DTNA: variants seen among roughly 807,000 people sequenced by gnomAD.
The protein encoded by DTNA is dystrobrevin alpha, also known as dystrophin-related protein 3.
DTNA carries 43 observed loss-of-function variants against 100.7 expected under a neutral mutation model. That is an observed-to-expected ratio of 0.43 (90% CI 0.33 to 0.55). The LOEUF is 0.55. DTNA is among the 20% of genes least tolerant of loss of function. The pLI is 0.04. For missense variants in DTNA, 798 were observed against 953.9 expected (o/e 0.84, Z 2.15); for synonymous variants, 349 against 347.9 (o/e 1.00, Z -0.04).
At chr18:34,504,913 A>AT (rs1241884513) in intron 1 of DTNA, among the ~76,000 whole-genome samples, 16 of 151,984 alleles carry the variant, frequency 1.1e-4, no homozygotes, top group African/African-American at 3.9e-4. Context: ...TTTTTTAGCA[A>AT]TTTTTCAGCC....
At position 34,665,882 on chromosome 18, in the gene DTNA, T is replaced by C. The variant is rs149159652; in HGVS notation, c.-1-90094T>C. 4.6e-3 allele frequency among the ~76,000 whole-genome samples: 703 copies of C among 152,318 alleles called. 6 individuals are homozygous for C. Among genetic ancestry groups the C allele is most frequent in the African/African-American group, 0.016 (654 of 41,564 alleles). ...ATTGTGAGTAGTGCTGCAATAAACA[T>C]ACGTGTGCATGTGTCTTTATAGCAG... is the stretch of plus-strand genomic sequence containing the variant. On this transcript the variant is annotated intron_variant, in intron 1 of 19. Coordinates refer to the DTNA transcript ENST00000283365.
At chr18:34,515,810 A>G (rs758389157) in intron 1 of DTNA, among the ~76,000 whole-genome samples, 21 of 152,200 alleles carry the variant, frequency 1.4e-4, no homozygotes, top group Non-Finnish European at 2.5e-4. Flanking sequence ...GATATTTTTC[A>G]TATTCTTCTG....
At chr18:34,819,270 C>A (rs1285366846) in intron 8 of DTNA, among the ~76,000 whole-genome samples, 1 of 152,130 alleles carries the variant, frequency 6.6e-6, no homozygotes. Context: ...TCAAAATGTT[C>A]TTCCTAGGAA....
chr18:34,866,586 A>G (rs2096707175), intron 17 of DTNA: 1 of 1,011,282 alleles, frequency 9.9e-7, no homozygotes, highest in Non-Finnish European at 1.2e-6. Context: ...GTTCGGTTTC[A>G]TTTTACTGAA....
At position 34,838,750 on chromosome 18, in the gene DTNA, A is replaced by G. The variant is rs754697522; in HGVS notation, c.1259A>G (p.Gln420Arg). The G allele has an allele frequency of 3.7e-6, 6 of 1,613,574 alleles. No individual in the cohort carries two copies. Among genetic ancestry groups the G allele is most frequent in the South Asian group, 1.1e-5 (1 of 91,076 alleles). Residue 420 changes from glutamine to arginine, a missense_variant, in exon 13 of 23, where the codon CAG (glutamine) becomes CGG (arginine). Physicochemically the swap from Gln to Arg is conservative, Grantham distance 43. This residue lies in a region of DTNA where 159 missense variants were observed against 201.2 expected (regional missense o/e 0.79). Transcript: ENST00000444659. ...TTCCCCCTGCCCTGTTTCAGGATAC[A>G]GTACAGCCTGAATGTGGCAGACAGG... ...APAFLKGKGI[Q>R]YSLNVADRLA...
At chr18:34,517,460 C>CACGTGTGTGTGT (rs57616989) in intron 1 of DTNA, among the ~76,000 whole-genome samples, 1 of 148,884 alleles carries the variant, frequency 6.7e-6, no homozygotes, top group Non-Finnish European at 1.5e-5. Context: ...TTTATATACA[C>CACGTGTGTGTGT]GTGTGTGTGT....
At chr18:34,646,226 A>C (rs2059818084) in intron 1 of DTNA, among the ~76,000 whole-genome samples, 1 of 152,208 alleles carries the variant, frequency 6.6e-6, no homozygotes. Flanking sequence ...AAAACTGGAC[A>C]CATTACTTAA....
chr18:34,791,685 TAATA>T (rs980058840), intron 3 of DTNA, among the ~76,000 whole-genome samples: 6 of 152,338 alleles, frequency 3.9e-5, no homozygotes, highest in African/African-American at 1.4e-4. Context: ...TTTCCAAAAC[TAATA>T]AATATTTATT....
At chr18:34,571,353 T>G (rs1209158008) in intron 1 of DTNA, among the ~76,000 whole-genome samples, 1 of 152,204 alleles carries the variant, frequency 6.6e-6, no homozygotes, top group African/African-American at 2.4e-5. Flanking sequence ...CTCTTCCATT[T>G]TGCCAACTCT....
chr18:34,629,169 TCAA>T (rs1375723667), intron 1 of DTNA, among the ~76,000 whole-genome samples: 2 of 152,190 alleles, frequency 1.3e-5, no homozygotes, highest in Non-Finnish European at 2.9e-5. Context: ...TCACTACAGC[TCAA>T]CTTCAGCTTC....
intron 1 of DTNA, among the ~76,000 whole-genome samples, chr18:34,746,966 G>A (rs1330898756): frequency 2.6e-5 from 4 of 151,976 alleles, no homozygotes; most frequent in South Asian, 4.2e-4. Context: ...CAGAATAAGA[G>A]GTTTCTTCCT....
At chr18:34,536,686 A>C (rs928101329) in intron 1 of DTNA, among the ~76,000 whole-genome samples, 1 of 151,978 alleles carries the variant, frequency 6.6e-6, no homozygotes, top group Non-Finnish European at 1.5e-5. Flanking sequence ...AAGTGTAGCT[A>C]TTATCTAATT....
At position 34,858,529 on chromosome 18, in the gene DTNA, C is replaced by T. The variant is rs915740470; in HGVS notation, c.1646+131C>T. 3 of 835,100 alleles carry T rather than the reference C, an allele frequency of 3.6e-6. No individual in the cohort carries two copies. The African/African-American group carries it at 5.1e-5, about 14-fold the overall frequency. The allele number at this position is 835,100 out of a possible 1,614,324, so 51.7% of individuals were successfully genotyped here. A position where few individuals can be genotyped will look rare whatever the true frequency, so the allele number is the denominator to read the frequency against. The stretch of plus-strand genomic sequence containing the variant: ...TGACATTTGTTTTTTTCATAGCACA[C>T]ACGTAATTGCTGATATTTGGGGGAT... On this transcript the variant is annotated intron_variant, in intron 16 of 22. Transcript: ENST00000444659.
chr18:34,606,604 T>C (rs2053172683), intron 1 of DTNA, among the ~76,000 whole-genome samples: 3 of 152,112 alleles, frequency 2.0e-5, no homozygotes, highest in Admixed American at 6.5e-5. Context: ...GACACATACA[T>C]ATGGTGATAG....
chr18:34,612,626 T>C (rs1412651625), intron 1 of DTNA, among the ~76,000 whole-genome samples: 1 of 152,220 alleles, frequency 6.6e-6, no homozygotes, highest in Non-Finnish European at 1.5e-5. Context: ...GCCTATGCTG[T>C]GATTAGCTAT....
At chr18:34,505,444 A>C (rs1317954075) in intron 1 of DTNA, among the ~76,000 whole-genome samples, 1 of 152,224 alleles carries the variant, frequency 6.6e-6, no homozygotes, top group Non-Finnish European at 1.5e-5. Flanking sequence ...GATTGGAGCC[A>C]TTCTGCTGAA....
At chr18:34,580,271 A>G (rs2048490643) in intron 1 of DTNA, among the ~76,000 whole-genome samples, 1 of 152,166 alleles carries the variant, frequency 6.6e-6, no homozygotes, top group South Asian at 2.1e-4. Flanking sequence ...TTTTTAAACA[A>G]ATCTCTGCCT....
intron 1 of DTNA, among the ~76,000 whole-genome samples, chr18:34,689,738 C>T (rs568661129): frequency 4.2e-4 from 64 of 152,294 alleles, no homozygotes; most frequent in African/African-American, 1.3e-3. Flanking sequence ...GCTGAAGCTG[C>T]GCCCACAGCT....
intron 1 of DTNA, among the ~76,000 whole-genome samples, chr18:34,638,569 C>G (rs573626367): frequency 2.0e-5 from 3 of 152,200 alleles, no homozygotes; most frequent in Non-Finnish European, 2.9e-5. Context: ...CTCTAGCTCA[C>G]TTCATTATGT....
Sources: allele counts gnomAD v4.1 joint callset (sites outside exome capture counted in the v4.1 genomes callset), GRCh38; gene constraint gnomAD v4.1.1; regional missense constraint gnomAD v4.1.1; transcripts MANE v1.5; gene names NCBI Gene and HGNC (gene_info 2026-07-23, HGNC 2026-07-21).